Variants in PDE3B observed in about 807,000 individuals in gnomAD.
PDE3B encodes the protein phosphodiesterase 3B, also known as cGMP-inhibited 3',5'-cyclic phosphodiesterase 3B.
In PDE3B, 66 loss-of-function variants were observed where a neutral mutation model predicts 116.8. The observed-to-expected ratio is 0.56, with a 90% CI of 0.46 to 0.69. The LOEUF is 0.69. Among genes scored for constraint, PDE3B ranks in the 30% least tolerant of loss-of-function variants. The probability of loss-of-function intolerance (pLI) is 0.00; values close to 1 mark genes in which losing one functional copy is unlikely to be tolerated. For synonymous variants in PDE3B, 595 were observed against 533.6 expected (o/e 1.12, Z -1.59); for missense variants, 1,384 against 1,368.1 (o/e 1.01, Z -0.18).
chr11:14,693,920 A>G (rs920506157), intron 1 of PDE3B, among the ~76,000 whole-genome samples: 1 of 152,194 alleles, frequency 6.6e-6, no homozygotes, highest in African/African-American at 2.4e-5. Flanking sequence ...TGACCATTCT[A>G]GATGCCCTTA....
chr11:14,779,938 C>G (rs547656734), intron 2 of PDE3B, among the ~76,000 whole-genome samples: 121 of 149,652 alleles, frequency 8.1e-4, no homozygotes, highest in African/African-American at 2.7e-3. Context: ...CGTGCAGAGA[C>G]ACGCATAGGC....
chr11:14,657,955 C>T (rs1196047505), intron 1 of PDE3B, among the ~76,000 whole-genome samples: 1 of 152,122 alleles, frequency 6.6e-6, no homozygotes, highest in East Asian at 1.9e-4. Flanking sequence ...GATAGTTTTG[C>T]TTTCTAATAC....
At chr11:14,898,308 A>G in the PDE3B span, among the ~76,000 whole-genome samples, 1 of 151,974 alleles carries the variant, frequency 6.6e-6, no homozygotes, top group Admixed American at 6.5e-5. Context: ...AGAAGAAGGA[A>G]TAATCCCTAC....
At chr11:14,806,625 C>T (rs1423289036) in intron 5 of PDE3B, among the ~76,000 whole-genome samples, 15 of 151,566 alleles carry the variant, frequency 9.9e-5, no homozygotes, top group Non-Finnish European at 1.3e-4. Flanking sequence ...TTTGGGAGGC[C>T]GAGGCGGGCG....
Position 14,644,918 on chromosome 11 carries a change from C to T in PDE3B, c.843C>T (p.Ala281=), listed in dbSNP as rs377575669. ...CTCTTCATCCTCGACTGTCCAGTGC[C>T]GCCGAAGAAAAAGTGCCTGTGATCC... ...EAPLHPRLSS[A]AEEKVPVIRP... The change falls in exon 1 of 16, where the codon GCC becomes GCT. Residue 281 remains alanine, a synonymous_variant. Coordinates refer to ENST00000282096, the MANE Select transcript of PDE3B (RefSeq NM_000922.4). The T allele has an allele frequency of 4.3e-6, 7 of 1,614,110 alleles. No individual in the cohort carries two copies. Among genetic ancestry groups the T allele is most frequent in the Non-Finnish European group, 5.9e-6 (7 of 1,180,030 alleles).
intron 1 of PDE3B, among the ~76,000 whole-genome samples, chr11:14,659,195 A>G (rs543257940): frequency 1.3e-5 from 2 of 152,326 alleles, no homozygotes; most frequent in African/African-American, 2.4e-5. Context: ...TGTGTGCAGG[A>G]GTTGCCTCTA....
the PDE3B span, chr11:14,891,996 G>A: frequency 6.2e-7 from 1 of 1,613,368 alleles, no homozygotes; most frequent in Non-Finnish European, 8.5e-7. Context: ...CGTACACCTG[G>A]CTCTGCTTTC....
intron 1 of PDE3B, among the ~76,000 whole-genome samples, chr11:14,661,824 C>T (rs1853929257): frequency 2.0e-5 from 3 of 152,172 alleles, no homozygotes. Context: ...TGGGTGGAAC[C>T]CACCACGGTT....
At chr11:14,882,834 T>G in the PDE3B span, among the ~76,000 whole-genome samples, 119 of 152,152 alleles carry the variant, frequency 7.8e-4, no homozygotes, top group Non-Finnish European at 1.1e-3. Flanking sequence ...CTTCAGCAAA[T>G]TCTCAGGATA....
chr11:14,728,337 C>T (rs1856371647), intron 1 of PDE3B, among the ~76,000 whole-genome samples: 1 of 152,050 alleles, frequency 6.6e-6, no homozygotes, highest in Non-Finnish European at 1.5e-5. Flanking sequence ...AATGTTTCTA[C>T]TGCTACAATT....
chr11:14,667,027 A>G (rs1420162286), intron 1 of PDE3B, among the ~76,000 whole-genome samples: 4 of 152,176 alleles, frequency 2.6e-5, no homozygotes, highest in Admixed American at 2.6e-4. Context: ...AAGACTTGGA[A>G]CCAACCCAAA....
intron 1 of PDE3B, among the ~76,000 whole-genome samples, chr11:14,662,997 A>T (rs1421415506): frequency 2.0e-5 from 3 of 152,046 alleles, no homozygotes; most frequent in African/African-American, 7.2e-5. Context: ...ACTCCAAGAC[A>T]CATAATTGTC....
At chr11:14,735,925 C>T (rs1856583040) in intron 1 of PDE3B, among the ~76,000 whole-genome samples, 1 of 151,342 alleles carries the variant, frequency 6.6e-6, no homozygotes, top group African/African-American at 2.4e-5. Context: ...TTAGAGTCCT[C>T]ACAAAAAATC....
rs116680801 is a variant in PDE3B at position 14,693,893 on chromosome 11, A to G, written c.978+48840A>G. 4.5e-3 allele frequency among the ~76,000 whole-genome samples: 685 copies of G among 152,302 alleles called. 3 individuals are homozygous for G. Among genetic ancestry groups the G allele is most frequent in the African/African-American group, 0.015 (610 of 41,574 alleles). ...TTGATGGATGTGTGCAAAGTAATTG[A>G]AAAACCTGGAAAGGATTGACCATTC... On this transcript the variant is annotated intron_variant, in intron 1 of 15. Coordinates refer to ENST00000282096, the MANE Select transcript of PDE3B (RefSeq NM_000922.4).
rs1858849868 is a variant in PDE3B at position 14,804,142 on chromosome 11, G to T, written c.1522+92G>T. The stretch of plus-strand genomic sequence containing the variant: ...TCATCACATATTTATAGCTAATTTT[G>T]AATACAATTTCATGTATTATAAGTT... On this transcript the variant is annotated intron_variant, in intron 5 of 15. Coordinates refer to ENST00000282096, the MANE Select transcript of PDE3B (RefSeq NM_000922.4). The T allele has an allele frequency of 1.3e-5, 9 of 699,450 alleles. No homozygotes were observed. In the Admixed American group the frequency reaches 1.8e-4, roughly 14 times the overall value. 43.3% of individuals were successfully genotyped at this position (699,450 alleles called of 1,614,324 possible). A position where few individuals can be genotyped will look rare whatever the true frequency, so the allele number is the denominator to read the frequency against.
chr11:14,649,262 A>G (rs1380908531), intron 1 of PDE3B, among the ~76,000 whole-genome samples: 1 of 152,132 alleles, frequency 6.6e-6, no homozygotes, highest in Non-Finnish European at 1.5e-5. Context: ...TCTGTACCCC[A>G]TTCAAAGCAA....
At chr11:14,841,243 T>C (rs1213228635) in intron 11 of PDE3B, among the ~76,000 whole-genome samples, 1 of 151,698 alleles carries the variant, frequency 6.6e-6, no homozygotes, top group Non-Finnish European at 1.5e-5. Context: ...CTTGGGTCTT[T>C]AGCCAATCAG....
chr11:14,647,116 A>G (rs1853433280), intron 1 of PDE3B, among the ~76,000 whole-genome samples: 6 of 151,920 alleles, frequency 3.9e-5, no homozygotes. Flanking sequence ...CATGTATATT[A>G]TGTTAAATAT....
intron 12 of PDE3B, among the ~76,000 whole-genome samples, chr11:14,853,553 G>A (rs1001741274): frequency 1.6e-4 from 25 of 152,180 alleles, no homozygotes; most frequent in Non-Finnish European, 4.4e-5. Context: ...ATGTGGTTAA[G>A]TAACAAAGTA....
Sources: allele counts gnomAD v4.1 joint callset (sites outside exome capture counted in the v4.1 genomes callset), GRCh38; gene constraint gnomAD v4.1.1; transcripts MANE v1.5; gene names NCBI Gene and HGNC (gene_info 2026-07-23, HGNC 2026-07-21).